The following GPC6 variants were observed in gnomAD, a reference collection of about 807,000 sequenced individuals.
GPC6 encodes the protein glypican 6.
Under a neutral mutation model 55.2 loss-of-function variants are expected in GPC6, and 14 were observed. The observed-to-expected ratio is 0.25, with a 90% CI of 0.17 to 0.40. The LOEUF (loss-of-function observed/expected upper bound fraction) is 0.40, where lower values mean the gene tolerates loss of function less well. Ranked by LOEUF, GPC6 falls within the 10% of genes least tolerant of loss-of-function variation. The pLI is 1.00. For missense variants in GPC6, 641 were observed against 708.5 expected (o/e 0.90, Z 1.08); for synonymous variants, 278 against 259.6 (o/e 1.07, Z -0.68).
chr13:93,424,086 G>C (rs1877027897), intron 1 of GPC6, among the ~76,000 whole-genome samples: 1 of 152,148 alleles, frequency 6.6e-6, no homozygotes, highest in African/African-American at 2.4e-5. Context: ...CCCCATGGTG[G>C]GTTCCCTGGG....
chr13:93,858,919 G>A lies in GPC6; in HGVS notation c.711+28374G>A, dbSNP rs142201838. Among the ~76,000 whole-genome samples, 440 of 151,416 alleles carry A rather than the reference G, an allele frequency of 2.9e-3. 5 individuals carry two copies. The highest frequency in any genetic ancestry group is 9.9e-3 in the African/African-American group (411 of 41,376). ...TTCAAAGTAGAATAAAGGGAAAGAG[G>A]ATTATTATCTAATACTATTAATAGT... On this transcript the variant is annotated intron_variant, in intron 3 of 8. Coordinates refer to ENST00000377047, the MANE Select transcript of GPC6 (RefSeq NM_005708.5).
At chr13:93,764,145 C>T (rs567983443) in intron 2 of GPC6, among the ~76,000 whole-genome samples, 1 of 152,116 alleles carries the variant, frequency 6.6e-6, no homozygotes, top group South Asian at 2.1e-4. Flanking sequence ...TTCTAAGCCT[C>T]TAATATATAG....
intron 4 of GPC6, among the ~76,000 whole-genome samples, chr13:94,192,146 A>G (rs1337785861): frequency 6.6e-6 from 1 of 152,226 alleles, no homozygotes; most frequent in East Asian, 1.9e-4. Flanking sequence ...GCAATATTTT[A>G]CATAGAGGTT....
At chr13:93,898,046 T>C (rs1402564258) in intron 3 of GPC6, among the ~76,000 whole-genome samples, 1 of 152,136 alleles carries the variant, frequency 6.6e-6, no homozygotes, top group African/African-American at 2.4e-5. Context: ...AAATATTGTT[T>C]ATTAATTTAC....
chr13:93,397,444 A>G (rs183988894), intron 1 of GPC6, among the ~76,000 whole-genome samples: 2 of 152,300 alleles, frequency 1.3e-5, no homozygotes, highest in East Asian at 3.9e-4. Flanking sequence ...CACCATTTGG[A>G]TATCTTTCTT....
chr13:94,026,832 C>T (rs1328493456), intron 3 of GPC6, among the ~76,000 whole-genome samples: 1 of 151,980 alleles, frequency 6.6e-6, no homozygotes, highest in Non-Finnish European at 1.5e-5. Context: ...GGAAAAAGCC[C>T]CCCTATAAAA....
At chr13:93,765,728 G>T (rs190354126) in intron 2 of GPC6, among the ~76,000 whole-genome samples, 314 of 152,266 alleles carry the variant, frequency 2.1e-3, no homozygotes, top group African/African-American at 7.0e-3. Flanking sequence ...AAATGCAAAG[G>T]TATCTGATCT....
intron 2 of GPC6, among the ~76,000 whole-genome samples, chr13:93,737,131 G>A (rs749348788): frequency 1.6e-4 from 24 of 152,070 alleles, no homozygotes; most frequent in Non-Finnish European, 2.8e-4. Flanking sequence ...GCTTCAGAGC[G>A]TCCTGCATGC....
At chr13:94,348,283 C>T (rs2139165068) in intron 6 of GPC6, among the ~76,000 whole-genome samples, 1 of 152,322 alleles carries the variant, frequency 6.6e-6, no homozygotes, top group South Asian at 2.1e-4. Flanking sequence ...CACCTGTCCC[C>T]ACTACCTTCC....
intron 2 of GPC6, among the ~76,000 whole-genome samples, chr13:93,754,594 C>T (rs935402238): frequency 6.6e-6 from 1 of 151,850 alleles, no homozygotes; most frequent in African/African-American, 2.4e-5. Context: ...GCTATTTTCC[C>T]CTACACTTAG....
At chr13:93,562,376 C>G (rs965614820) in intron 2 of GPC6, among the ~76,000 whole-genome samples, 1 of 152,006 alleles carries the variant, frequency 6.6e-6, no homozygotes, top group South Asian at 2.1e-4. Flanking sequence ...AATTTCAATA[C>G]ACATTTGCCT....
intron 3 of GPC6, among the ~76,000 whole-genome samples, chr13:93,939,106 A>T (rs1259811371): frequency 6.6e-6 from 1 of 151,736 alleles, no homozygotes; most frequent in African/African-American, 2.4e-5. Context: ...CAAAAAAAAT[A>T]AAAAATAAAT....
chr13:93,367,472 C>G (rs1435711947), intron 1 of GPC6, among the ~76,000 whole-genome samples: 1 of 151,824 alleles, frequency 6.6e-6, no homozygotes, highest in African/African-American at 2.4e-5. Context: ...TTTTATTATG[C>G]CCTTTGTTTG....
At chr13:94,325,755 C>A (rs1053708932) in intron 6 of GPC6, among the ~76,000 whole-genome samples, 63 of 152,260 alleles carry the variant, frequency 4.1e-4, no homozygotes, top group African/African-American at 1.4e-3. Context: ...CCTTCCCAAC[C>A]CTTTTGATCC....
In GPC6 at chr13:93,725,612, A is replaced by G. The variant is rs1003320490; in HGVS notation, c.320-104542A>G. 2.6e-5 allele frequency among the ~76,000 whole-genome samples: 4 copies of G among 152,158 alleles called. No homozygotes were observed. In the South Asian group the frequency reaches 8.3e-4, roughly 32 times the overall value. ...AGATTTGGTCAGTTCATCTTGATGC[A>G]GTTTACAGTTTATACAGCCCCAAGA... On this transcript the variant is annotated intron_variant, in intron 2 of 8. Coordinates refer to ENST00000377047, the MANE Select transcript of GPC6 (RefSeq NM_005708.5).
At chr13:93,382,541 G>A (rs1875224544) in intron 1 of GPC6, among the ~76,000 whole-genome samples, 2 of 151,952 alleles carry the variant, frequency 1.3e-5, no homozygotes, top group South Asian at 4.2e-4. Context: ...AATATCATTG[G>A]CAATTATGTT....
At chr13:94,388,472 C>A (rs1388533046) in intron 7 of GPC6, among the ~76,000 whole-genome samples, 2 of 152,210 alleles carry the variant, frequency 1.3e-5, no homozygotes, top group Non-Finnish European at 2.9e-5. Flanking sequence ...AGAAATACAG[C>A]ACAGCCTTCG....
At chr13:93,228,323 C>CA (rs1427261960) in intron 1 of GPC6, among the ~76,000 whole-genome samples, 1 of 152,216 alleles carries the variant, frequency 6.6e-6, no homozygotes, top group Non-Finnish European at 1.5e-5. Context: ...GTTGGCCACT[C>CA]AGGGCCCGGG....
At chr13:94,217,045 T>A (rs75215370) in intron 4 of GPC6, among the ~76,000 whole-genome samples, 1,849 of 152,304 alleles carry the variant, frequency 0.012, 41 homozygotes, top group African/African-American at 0.042. Context: ...GTGCACATTA[T>A]AGACACCAGA....
Sources: allele counts gnomAD v4.1 joint callset (sites outside exome capture counted in the v4.1 genomes callset), GRCh38; gene constraint gnomAD v4.1.1; transcripts MANE v1.5; gene names NCBI Gene and HGNC (gene_info 2026-07-23, HGNC 2026-07-21).